The following PASD1 variants were observed in gnomAD, a reference collection of about 807,000 sequenced individuals.
The protein encoded by PASD1 is PAS domain containing repressor 1.
A neutral mutation model predicts 58.8 loss-of-function variants in PASD1; 13 were observed. The ratio of observed to expected loss-of-function variants is 0.22; its 90% CI spans 0.14 to 0.35. PASD1 has a LOEUF of 0.35. Ranked by LOEUF, PASD1 falls within the 10% of genes least tolerant of loss-of-function variation. PASD1 has a pLI of 1.00. For missense variants in PASD1, 734 were observed against 568.3 expected, an observed-to-expected ratio of 1.29 and a Z score of -2.96; for synonymous variants, 236 against 216.7, an observed-to-expected ratio of 1.09 and a Z score of -0.78.
chrX:151,625,877 A>G (rs2013780226), intron 8 of PASD1, among the ~76,000 whole-genome samples: 1 of 111,472 alleles, frequency 9.0e-6, no homozygotes, highest in African/African-American at 3.3e-5. Flanking sequence ...AGCCCGGGAT[A>G]TCAAGTCTGC....
intron 10 of PASD1, among the ~76,000 whole-genome samples, chrX:151,661,870 A>G (rs192217136): frequency 9.0e-6 from 1 of 111,565 alleles, no homozygotes; most frequent in Non-Finnish European, 1.9e-5. Flanking sequence ...GAGGTCTTGC[A>G]TTTTGGGGAA....
At chrX:151,643,903 A>G (rs998026586) in intron 8 of PASD1, among the ~76,000 whole-genome samples, 6 of 112,397 alleles carry the variant, frequency 5.3e-5, no homozygotes, top group African/African-American at 1.9e-4. Context: ...TGTGTAAGAT[A>G]CAGACCCCTG....
chrX:151,636,790 C>T (rs1258255229), intron 8 of PASD1, among the ~76,000 whole-genome samples: 3 of 110,960 alleles, frequency 2.7e-5, no homozygotes, highest in African/African-American at 9.9e-5. Flanking sequence ...GTATACAGTT[C>T]TGTGGATTTT....
At chrX:151,595,583 G>A (rs1234413499) in intron 1 of PASD1, among the ~76,000 whole-genome samples, 9 of 109,369 alleles carry the variant, frequency 8.2e-5, no homozygotes, top group Non-Finnish European at 1.9e-5. Context: ...AAATGTACCC[G>A]GCGTTGTGGC....
chrX:151,659,886 A>AC, intron 10 of PASD1, 50 bp downstream of exon 10: 1 of 1,144,010 alleles, frequency 8.7e-7, no homozygotes, highest in Non-Finnish European at 1.2e-6. Context: ...AAAAACAGTG[A>AC]CCCCCAGGGT....
intron 1 of PASD1, among the ~76,000 whole-genome samples, 181 bp downstream of exon 1, chrX:151,564,020 A>G (rs2012788190): frequency 8.9e-6 from 1 of 112,420 alleles, no homozygotes. Context: ...AGGCAGAAGG[A>G]GAGGGGTGGC....
intron 13 of PASD1, 123 bp downstream of exon 13, chrX:151,671,902 G>A: frequency 2.4e-6 from 2 of 826,866 alleles, no homozygotes; most frequent in Non-Finnish European, 1.7e-6. Context: ...ATTTGCCCAA[G>A]ATAGTAAAAA....
chrX:151,669,100 T>C lies in PASD1; in HGVS notation c.1072-1938T>C, dbSNP rs748762014. Among the ~76,000 whole-genome samples, 3 of 107,706 alleles carry C rather than the reference T, an allele frequency of 2.8e-5. No homozygotes were observed. In the East Asian group the frequency reaches 8.7e-4, roughly 31 times the overall value. The allele number at this position is 107,706 out of a possible 115,157, so 93.5% of individuals were successfully genotyped here. A position where few individuals can be genotyped will look rare whatever the true frequency, so the allele number is the denominator to read the frequency against. ...ATTTTACTTTAAGATATTGTGGATG[T>C]TAATCTTTTTCTTAGAATTTTGTTT... On this transcript the variant is annotated intron_variant, in intron 11 of 15. Transcript: ENST00000370357.
At chrX:151,673,864 G>A (rs749303964) in intron 14 of PASD1, 64 bp from the exon 15 acceptor site, 239 of 1,168,096 alleles carry the variant, frequency 2.0e-4, no homozygotes, top group Non-Finnish European at 2.6e-4. Flanking sequence ...TGATGACCAC[G>A]TGAGTGTCTC....
At chrX:151,577,249 T>C (rs1346885312) in intron 1 of PASD1, among the ~76,000 whole-genome samples, 1 of 112,384 alleles carries the variant, frequency 8.9e-6, no homozygotes, top group African/African-American at 3.2e-5. Flanking sequence ...AAATTCTCAA[T>C]AGAAACACAA....
rs371132122 is a variant in PASD1, at chrX:151,672,310, A to G, written c.1565A>G (p.Gln522Arg). 12 of 1,169,433 alleles carry G rather than the reference A, an allele frequency of 1.0e-5. No homozygotes were observed. The highest frequency in any genetic ancestry group is 3.6e-5 in the African/African-American group (2 of 55,940). ...AAGATGCAGGAGAAGAAGAAGCTGC[A>G]GGAGCAGAAAATGCAGGAGAAGAAG... Reference protein sequence around the residue: ...QKKMQEKKKLQEQKMQEKKKL... With the variant: ...QKKMQEKKKLREQKMQEKKKL... Residue 522 changes from glutamine to arginine, a missense_variant, in exon 14 of 16, where the codon CAG becomes CGG. Transcript: ENST00000370357.
At chrX:151,643,729 G>C (rs2014024455) in intron 8 of PASD1, among the ~76,000 whole-genome samples, 1 of 111,936 alleles carries the variant, frequency 8.9e-6, no homozygotes, top group Non-Finnish European at 1.9e-5. Context: ...TGCCCTTACT[G>C]GTATAAGGAG....
chrX:151,586,006 G>T (rs1042549053), intron 1 of PASD1, among the ~76,000 whole-genome samples: 3 of 111,577 alleles, frequency 2.7e-5, no homozygotes, highest in African/African-American at 9.8e-5. Flanking sequence ...TGGAGGAAAG[G>T]GTTGTGGGAA....
chrX:151,579,850 A>G (rs1215597709), intron 1 of PASD1, among the ~76,000 whole-genome samples: 1 of 111,932 alleles, frequency 8.9e-6, no homozygotes, highest in Non-Finnish European at 1.9e-5. Flanking sequence ...CTATTGAAAT[A>G]TAATGGGTGA....
chrX:151,568,596 G>T (rs1163969203), intron 1 of PASD1, among the ~76,000 whole-genome samples: 2 of 112,102 alleles, frequency 1.8e-5, no homozygotes, highest in Admixed American at 1.9e-4. Flanking sequence ...ATGTATGTAT[G>T]CACACAATGT....
At chrX:151,573,256 G>A (rs1186511869) in intron 1 of PASD1, among the ~76,000 whole-genome samples, 3 of 110,574 alleles carry the variant, frequency 2.7e-5, no homozygotes, top group Non-Finnish European at 5.7e-5. Context: ...CCAACCTCGG[G>A]GATTACAATT....
intron 1 of PASD1, among the ~76,000 whole-genome samples, chrX:151,575,499 G>A (rs941070787): frequency 2.7e-5 from 3 of 111,185 alleles, no homozygotes; most frequent in Non-Finnish European, 3.8e-5. Context: ...CTCATTCTCA[G>A]GTAAGAAAAC....
chrX:151,667,426 T>C (rs985797820), intron 11 of PASD1, among the ~76,000 whole-genome samples: 19 of 111,768 alleles, frequency 1.7e-4, no homozygotes, highest in African/African-American at 4.9e-4. Flanking sequence ...TTGCCATTGC[T>C]TTCGGTGTTT....
chrX:151,594,402 TTTAG>T lies in PASD1; in HGVS notation c.-27-7119_-27-7116del, dbSNP rs754011256. 4.1e-3 allele frequency among the ~76,000 whole-genome samples: 461 copies of T among 112,277 alleles called. 3 individuals carry two copies. Among genetic ancestry groups the T allele is most frequent in the African/African-American group, 0.014 (430 of 30,956 alleles). On this transcript the variant is annotated intron_variant, in intron 1 of 15. Transcript: ENST00000370357. The stretch of plus-strand genomic sequence containing the variant: ...TGCTTTCTTTTGGATTAAATGAGCT[TTTAG>T]TTAGTATTCCATTTTATCTCTTTTT...
Sources: gnomAD v4.1 joint callset for allele counts (sites outside exome capture counted in the v4.1 genomes callset) on GRCh38, gnomAD v4.1.1 for gene constraint, MANE v1.5 for transcripts, NCBI Gene and HGNC (gene_info 2026-07-23, HGNC 2026-07-21) for gene names.